Variants in KDM4C observed in about 807,000 individuals in gnomAD.
The protein encoded by KDM4C is lysine-specific demethylase 4C.
A neutral mutation model predicts 129.3 loss-of-function variants in KDM4C; 81 were observed. The ratio of observed to expected loss-of-function variants is 0.63; its 90% CI spans 0.52 to 0.75. KDM4C has a LOEUF of 0.75. Among genes scored for constraint, KDM4C ranks in the 30% least tolerant of loss-of-function variants. KDM4C has a pLI of 0.00. For synonymous variants in KDM4C, 573 were observed against 456.1 expected, an observed-to-expected ratio of 1.26 and a Z score of -3.26; for missense variants, 1,457 against 1,304.0, an observed-to-expected ratio of 1.12 and a Z score of -1.81.
chr9:6,801,237 A>G (rs889951496), intron 2 of KDM4C, among the ~76,000 whole-genome samples: 4 of 134,020 alleles, frequency 3.0e-5, no homozygotes, highest in Non-Finnish European at 4.7e-5. Context: ...TTGAGTAGGG[A>G]AATTTTTTTT....
chr9:6,726,198 A>G (rs938120280), intron 1 of KDM4C, among the ~76,000 whole-genome samples: 4 of 152,200 alleles, frequency 2.6e-5, no homozygotes, highest in Non-Finnish European at 5.9e-5. Context: ...TGCTGGGATT[A>G]CAGGCGTGAG....
At chr9:7,084,097 C>T (rs1367263835) in intron 17 of KDM4C, among the ~76,000 whole-genome samples, 7 of 152,066 alleles carry the variant, frequency 4.6e-5, no homozygotes, top group East Asian at 1.9e-4. Context: ...AATTTAATGG[C>T]GTTAGTTTCT....
rs551875376 is a variant in KDM4C, at chr9:6,789,616, T to C, written c.-17-3356T>C. Among the ~76,000 whole-genome samples the C allele has an allele frequency of 7.9e-5, 12 of 152,202 alleles. No homozygotes were observed. The East Asian group carries it at 2.3e-3, about 29-fold the overall frequency. On this transcript the variant is annotated intron_variant, in intron 1 of 21. Coordinates refer to ENST00000381309, the MANE Select transcript of KDM4C (RefSeq NM_015061.6). ...CCTGGACTCGAGTGATCTGCCTGCCTCGACCTCTCAAAGTGCTGGGATTAC... is the reference window on the plus strand; with the variant it reads ...CCTGGACTCGAGTGATCTGCCTGCCCCGACCTCTCAAAGTGCTGGGATTAC...
intron 4 of KDM4C, among the ~76,000 whole-genome samples, chr9:6,845,806 C>T (rs1236453911): frequency 6.6e-6 from 1 of 152,184 alleles, no homozygotes; most frequent in African/African-American, 2.4e-5. Context: ...TGCTCATGTG[C>T]CTGCTGAACA....
At chr9:6,959,797 C>T (rs1037252703) in intron 8 of KDM4C, among the ~76,000 whole-genome samples, 4 of 152,028 alleles carry the variant, frequency 2.6e-5, no homozygotes, top group African/African-American at 9.7e-5. Flanking sequence ...GTCTTCCTTT[C>T]AGTTGTAATA....
chr9:7,060,643 A>G (rs1458448087), intron 17 of KDM4C, among the ~76,000 whole-genome samples: 1 of 151,750 alleles, frequency 6.6e-6, no homozygotes, highest in Non-Finnish European at 1.5e-5. Context: ...CACCATGCCC[A>G]GCTAATTTTT....
intron 1 of KDM4C, among the ~76,000 whole-genome samples, chr9:6,742,003 T>C (rs1817715634): frequency 6.6e-6 from 1 of 151,896 alleles, no homozygotes; most frequent in Non-Finnish European, 1.5e-5. Context: ...GACGGAGTCT[T>C]GCTCTGTCAC....
Position 6,990,993 on chromosome 9 carries a change from A to T in KDM4C, c.1786+469A>T, listed in dbSNP as rs553047539. Among the ~76,000 whole-genome samples the T allele has an allele frequency of 2.3e-4, 35 of 151,986 alleles. 1 individual carries two copies. Among genetic ancestry groups the T allele is most frequent in the South Asian group, 1.2e-3 (6 of 4,816 alleles). The stretch of plus-strand genomic sequence containing the variant: ...TGGGGTGAAACATCCTTTTTCCTTC[A>T]CTAGATCGCTGTGATGCAGCTGGAT... On this transcript the variant is annotated intron_variant, in intron 12 of 21. Coordinates refer to ENST00000381309, the MANE Select transcript of KDM4C (RefSeq NM_015061.6).
intron 8 of KDM4C, among the ~76,000 whole-genome samples, chr9:6,975,840 C>A (rs1465259667): frequency 1.3e-5 from 2 of 152,184 alleles, no homozygotes; most frequent in Non-Finnish European, 2.9e-5. Flanking sequence ...GAGTTTGAGA[C>A]CAGCTTGGCT....
rs372019765 is a variant in KDM4C, at chr9:7,053,180, CATT to C, written c.2424+3985_2424+3987del. ...GAAGGCTGTTTATTTTTAAAATGCT[CATT>C]ATTAGCAGTCTTTCTAGAATATGAA... On this transcript the variant is annotated intron_variant, in intron 17 of 21. Transcript: ENST00000381309. Among the ~76,000 whole-genome samples, 711 of 152,182 alleles carry C rather than the reference CATT, an allele frequency of 4.7e-3. 4 individuals carry two copies. Among genetic ancestry groups the C allele is most frequent in the African/African-American group, 0.012 (514 of 41,522 alleles).
At chr9:6,742,501 G>A (rs146559398) in intron 1 of KDM4C, among the ~76,000 whole-genome samples, 8 of 151,044 alleles carry the variant, frequency 5.3e-5, no homozygotes, top group African/African-American at 1.5e-4. Context: ...GCCTTCGTGA[G>A]TATCAGTTAT....
chr9:6,734,317 G>A (rs555658220), intron 1 of KDM4C, among the ~76,000 whole-genome samples: 6 of 122,982 alleles, frequency 4.9e-5, no homozygotes, highest in Admixed American at 2.5e-4. Flanking sequence ...TTTTTTAGAT[G>A]GAGTTTCGCT....
At chr9:6,783,573 G>C (rs1319342946) in intron 1 of KDM4C, among the ~76,000 whole-genome samples, 2 of 152,118 alleles carry the variant, frequency 1.3e-5, no homozygotes, top group African/African-American at 4.8e-5. Context: ...GATAACTGCA[G>C]AAAGAGACTT....
chr9:7,049,619 GAC>G (rs1276304643), intron 17 of KDM4C, among the ~76,000 whole-genome samples: 6 of 151,976 alleles, frequency 3.9e-5, no homozygotes, highest in Admixed American at 6.6e-5. Flanking sequence ...ACCAAGAAGA[GAC>G]ACACAGAGAA....
At chr9:7,007,510 T>C (rs1821895035) in intron 12 of KDM4C, among the ~76,000 whole-genome samples, 1 of 152,230 alleles carries the variant, frequency 6.6e-6, no homozygotes, top group Admixed American at 6.5e-5. Flanking sequence ...GCTTAAGTAT[T>C]TCAAGTTGAT....
At chr9:7,097,982 G>T (rs1295721057) in intron 17 of KDM4C, among the ~76,000 whole-genome samples, 1 of 152,182 alleles carries the variant, frequency 6.6e-6, no homozygotes, top group East Asian at 1.9e-4. Flanking sequence ...GGCTTAAAAG[G>T]TGCTTCCGCA....
chr9:6,855,336 G>C (rs188674926), intron 5 of KDM4C, among the ~76,000 whole-genome samples: 34 of 151,992 alleles, frequency 2.2e-4, no homozygotes, highest in Admixed American at 1.8e-3. Context: ...GTGCATGACT[G>C]TAGTCCCAGC....
intron 9 of KDM4C, chr9:6,981,825 C>T (rs1328814809): frequency 3.7e-6 from 1 of 272,670 alleles, no homozygotes; most frequent in African/African-American, 2.2e-5. Context: ...CAATATTACT[C>T]ATTGTTTTTC....
chr9:6,995,914 C>T (rs924497972), intron 12 of KDM4C, among the ~76,000 whole-genome samples: 2 of 152,038 alleles, frequency 1.3e-5, no homozygotes, highest in African/African-American at 2.4e-5. Flanking sequence ...GTGATCTGCC[C>T]ACCTCGGCCT....
Sources: gnomAD v4.1 joint callset for allele counts (sites outside exome capture counted in the v4.1 genomes callset) on GRCh38, gnomAD v4.1.1 for gene constraint, MANE v1.5 for transcripts, NCBI Gene and HGNC (gene_info 2026-07-23, HGNC 2026-07-21) for gene names.